Variants in NOVA1 observed in about 807,000 individuals in gnomAD.
NOVA1 encodes RNA-binding protein Nova-1.
In NOVA1, 7 loss-of-function variants were observed where a neutral mutation model predicts 38.0. That is an observed-to-expected ratio of 0.18 (90% CI 0.10 to 0.35). The LOEUF is 0.35. Ranked by LOEUF, NOVA1 falls within the 10% of genes least tolerant of loss-of-function variation. The pLI is 1.00. For synonymous variants in NOVA1, 270 were observed against 232.5 expected (o/e 1.16, Z -1.47); for missense variants, 460 against 616.0 (o/e 0.75, Z 2.68).
chr14:26,499,370 T>A (rs1420764130), intron 2 of NOVA1, among the ~76,000 whole-genome samples: 2 of 152,082 alleles, frequency 1.3e-5, no homozygotes, highest in African/African-American at 4.8e-5. Flanking sequence ...AGACCAACAG[T>A]CTAAAAGTAT....
chr14:26,597,146 G>A, intron 1 of NOVA1, 155 bp downstream of exon 1: 1 of 1,215,220 alleles, frequency 8.2e-7, no homozygotes, highest in East Asian at 3.2e-5. Context: ...AGGGGAGGGG[G>A]CGCGGGGCAG....
At chr14:26,478,775 T>A (rs984683804) in intron 3 of NOVA1, among the ~76,000 whole-genome samples, 1 of 151,968 alleles carries the variant, frequency 6.6e-6, no homozygotes, top group Non-Finnish European at 1.5e-5. Flanking sequence ...GGGTATAAAC[T>A]GAACCATTTG....
At chr14:26,541,196 G>A (rs1212441167) in intron 2 of NOVA1, among the ~76,000 whole-genome samples, 2 of 152,048 alleles carry the variant, frequency 1.3e-5, no homozygotes, top group Non-Finnish European at 2.9e-5. Context: ...AAGCACAGTG[G>A]GAAAATGTGA....
chr14:26,466,183 T>C (rs1455202472), intron 4 of NOVA1, among the ~76,000 whole-genome samples: 1 of 152,134 alleles, frequency 6.6e-6, no homozygotes, highest in Non-Finnish European at 1.5e-5. Flanking sequence ...AATGTCAATG[T>C]GGTTGGGCCA....
At chr14:26,496,572 C>G (rs1886808021) in intron 2 of NOVA1, among the ~76,000 whole-genome samples, 1 of 152,048 alleles carries the variant, frequency 6.6e-6, no homozygotes, top group South Asian at 2.1e-4. Context: ...CTTGCCCATG[C>G]CTATGTCCTG....
intron 2 of NOVA1, among the ~76,000 whole-genome samples, chr14:26,591,931 A>C (rs902598596): frequency 8.3e-5 from 12 of 143,846 alleles, no homozygotes. Context: ...TATTTTTATT[A>C]AATGTGATAC....
intron 4 of NOVA1, among the ~76,000 whole-genome samples, chr14:26,451,562 G>A (rs959651459): frequency 2.3e-4 from 35 of 151,998 alleles, no homozygotes; most frequent in Admixed American, 2.0e-3. Flanking sequence ...GTAGAGATGG[G>A]GTTTCACCAT....
chr14:26,596,104 G>A, intron 1 of NOVA1: 1 of 237,078 alleles, frequency 4.2e-6, no homozygotes. Flanking sequence ...CCCAAACTGT[G>A]GGGTGTATTC....
chr14:26,566,005 A>T (rs1018005051), intron 2 of NOVA1, among the ~76,000 whole-genome samples: 1 of 152,194 alleles, frequency 6.6e-6, no homozygotes, highest in African/African-American at 2.4e-5. Flanking sequence ...AGTATGTTTC[A>T]TGGCAAACAA....
At chr14:26,581,056 G>A (rs1478802070) in intron 2 of NOVA1, among the ~76,000 whole-genome samples, 1 of 151,942 alleles carries the variant, frequency 6.6e-6, no homozygotes, top group Non-Finnish European at 1.5e-5. Context: ...TTATGAAAGA[G>A]GTACAGATAC....
At chr14:26,586,756 G>C (rs1418166581) in intron 2 of NOVA1, among the ~76,000 whole-genome samples, 1 of 150,940 alleles carries the variant, frequency 6.6e-6, no homozygotes, top group Non-Finnish European at 1.5e-5. Context: ...AAAATGACCA[G>C]GCTACATGCT....
intron 2 of NOVA1, among the ~76,000 whole-genome samples, chr14:26,527,496 A>G (rs1486023113): frequency 6.6e-6 from 1 of 152,072 alleles, no homozygotes; most frequent in Non-Finnish European, 1.5e-5. Context: ...GCCAAAAACA[A>G]AACAAAACAA....
chr14:26,456,964 TAC>T (rs558411232), intron 4 of NOVA1, among the ~76,000 whole-genome samples: 2,006 of 143,530 alleles, frequency 0.014, 25 homozygotes, highest in Middle Eastern at 0.039. Flanking sequence ...CACAAATATA[TAC>T]ACACACACAC....
intron 2 of NOVA1, among the ~76,000 whole-genome samples, chr14:26,594,705 A>G (rs1197370599): frequency 6.6e-6 from 1 of 152,102 alleles, no homozygotes; most frequent in African/African-American, 2.4e-5. Context: ...TTAAAAAGGC[A>G]TACTTGAAAG....
intron 2 of NOVA1, among the ~76,000 whole-genome samples, chr14:26,481,325 A>G (rs1885433453): frequency 6.6e-6 from 1 of 152,100 alleles, no homozygotes. Context: ...AATGTTTTAA[A>G]ATACATTCTG....
At chr14:26,472,909 T>G (rs986074859) in intron 3 of NOVA1, among the ~76,000 whole-genome samples, 2 of 152,022 alleles carry the variant, frequency 1.3e-5, no homozygotes, top group African/African-American at 4.8e-5. Context: ...GGATCCATAC[T>G]TAAAAGCAAT....
chr14:26,463,808 T>G (rs1489009416), intron 4 of NOVA1, among the ~76,000 whole-genome samples: 1 of 152,206 alleles, frequency 6.6e-6, no homozygotes, highest in Non-Finnish European at 1.5e-5. Context: ...GCATATCGTC[T>G]GAGGTGGAAA....
At chr14:26,472,109 A>G in intron 4 of NOVA1, 1 of 470,856 alleles carries the variant, frequency 2.1e-6, no homozygotes. Flanking sequence ...GAGTAGTTTA[A>G]TATCTGAATA....
intron 2 of NOVA1, among the ~76,000 whole-genome samples, chr14:26,580,348 ATTAAG>A (rs1241216841): frequency 1.3e-5 from 2 of 152,202 alleles, no homozygotes; most frequent in Non-Finnish European, 2.9e-5. Context: ...ACAGAGGCTA[ATTAAG>A]TTAATTTTAA....
Sources: allele counts gnomAD v4.1 joint callset (sites outside exome capture counted in the v4.1 genomes callset), GRCh38; gene constraint gnomAD v4.1.1; transcripts MANE v1.5; gene names NCBI Gene and HGNC (gene_info 2026-07-23, HGNC 2026-07-21).